Variants in MYO1B observed in about 807,000 individuals in gnomAD.
The protein encoded by MYO1B is myosin IB, also known as unconventional myosin-Ib.
A neutral mutation model predicts 159.7 loss-of-function variants in MYO1B; 72 were observed. That is an observed-to-expected ratio of 0.45 (90% confidence interval 0.37 to 0.55). MYO1B has a LOEUF of 0.55. Ranked by LOEUF, MYO1B falls within the 20% of genes least tolerant of loss-of-function variation. The pLI is 0.00. For missense variants in MYO1B, 1,062 were observed against 1,364.8 expected (o/e 0.78, Z 3.50); for synonymous variants, 468 against 473.8 (o/e 0.99, Z 0.16).
intron 11 of MYO1B, among the ~76,000 whole-genome samples, chr2:191,365,803 T>C (rs1370918450): frequency 2.0e-5 from 3 of 152,218 alleles, no homozygotes; most frequent in Admixed American, 6.5e-5. Flanking sequence ...TTAATCAAGC[T>C]TGGCTATAGC....
At chr2:191,345,852 A>C (rs1338821709) in intron 5 of MYO1B, among the ~76,000 whole-genome samples, 1 of 152,250 alleles carries the variant, frequency 6.6e-6, no homozygotes, top group African/African-American at 2.4e-5. Flanking sequence ...GCCTTTGATA[A>C]TAAGTAATCT....
At chr2:191,329,492 TG>T (rs1223087441) in intron 3 of MYO1B, among the ~76,000 whole-genome samples, 1 of 151,850 alleles carries the variant, frequency 6.6e-6, no homozygotes, top group Non-Finnish European at 1.5e-5. Context: ...ATTTTAGACA[TG>T]TGGTGTAACA....
chr2:191,422,157 G>C (rs930493755), intron 30 of MYO1B, among the ~76,000 whole-genome samples: 2 of 152,210 alleles, frequency 1.3e-5, no homozygotes, highest in Non-Finnish European at 1.5e-5. Context: ...GTCAGTGGTT[G>C]TTAGGTTGAC....
rs1697551193 is a variant in MYO1B, at chr2:191,416,186, C to G, written c.3231C>G (p.Leu1077=). 3.1e-6 allele frequency: 5 copies of G among 1,614,136 alleles called. No homozygotes were observed. Among genetic ancestry groups the G allele is most frequent in the Non-Finnish European group, 4.2e-6 (5 of 1,180,016 alleles). Residue 1077 remains leucine (L), a synonymous_variant, in exon 30 of 31, where the codon CTC becomes CTG. Transcript: ENST00000392318. The part of the protein sequence containing the change: ...SDHLIEMATK[L]YRTTLSQTKQ... ...ACCTGATTGAAATGGCCACCAAGCT[C>G]TATCGCACAACTCTCAGCCAAACCA...
In MYO1B at chr2:191,402,686, G is replaced by A. The variant is rs375756762; in HGVS notation, c.2524G>A (p.Ala842Thr). Reference sequence around the variant, plus strand: ...GGAGGCTAGGCGTAAGCATGCAGTTGCTGTCATTTGGGCTTACTGGCTTGG... The same window carrying A: ...GGAGGCTAGGCGTAAGCATGCAGTTACTGTCATTTGGGCTTACTGGCTTGG... ...KEEARRKHAV[A>T]VIWAYWLGLK... The change falls in exon 24 of 31, where the codon GCT (alanine) becomes ACT (threonine). Residue 842 changes from alanine to threonine, a missense_variant. Ala to Thr is a moderately conservative substitution (Grantham distance 58). This residue lies in a region of MYO1B where 609 missense variants were observed against 744.4 expected (regional missense o/e 0.82). Coordinates refer to ENST00000392318, the MANE Select transcript of MYO1B (RefSeq NM_001130158.3). The A allele has an allele frequency of 5.1e-5, 83 of 1,613,494 alleles. No homozygotes were observed. The highest frequency in any genetic ancestry group is 6.5e-5 in the Non-Finnish European group (77 of 1,179,740).
chr2:191,396,888 T>C (rs1456178791), intron 21 of MYO1B, among the ~76,000 whole-genome samples: 1 of 152,112 alleles, frequency 6.6e-6, no homozygotes, highest in Admixed American at 6.5e-5. Context: ...TCTTGCAGGC[T>C]ACCCATCACG....
chr2:191,379,797 T>G (rs1694935161), intron 13 of MYO1B, among the ~76,000 whole-genome samples: 1 of 152,172 alleles, frequency 6.6e-6, no homozygotes, highest in African/African-American at 2.4e-5. Context: ...GCAAAGCAAT[T>G]GAGACTTTCT....
At chr2:191,416,075 G>T in intron 29 of MYO1B, 40 bp from the exon 30 acceptor site, 1 of 1,595,454 alleles carries the variant, frequency 6.3e-7, no homozygotes, top group Non-Finnish European at 8.5e-7. Context: ...ACCTTCTAAG[G>T]TATCTTTAAT....
At chr2:191,287,712 T>C (rs1458412162) in intron 2 of MYO1B, among the ~76,000 whole-genome samples, 2 of 152,222 alleles carry the variant, frequency 1.3e-5, no homozygotes, top group Non-Finnish European at 2.9e-5. Context: ...GCTTAAATAC[T>C]ATACTTAGGT....
chr2:191,301,928 C>G (rs1456427671), intron 3 of MYO1B, among the ~76,000 whole-genome samples: 3 of 152,182 alleles, frequency 2.0e-5, no homozygotes, highest in Non-Finnish European at 2.9e-5. Flanking sequence ...TCATGGGCTC[C>G]CTATTACTCC....
At chr2:191,355,750 C>T (rs529182511) in intron 7 of MYO1B, among the ~76,000 whole-genome samples, 24 of 152,262 alleles carry the variant, frequency 1.6e-4, no homozygotes, top group Admixed American at 2.6e-4. Context: ...AGTATTTTTT[C>T]TCGTCCTGGG....
chr2:191,320,288 C>T (rs1407025256), intron 3 of MYO1B, among the ~76,000 whole-genome samples: 2 of 152,036 alleles, frequency 1.3e-5, no homozygotes, highest in Admixed American at 1.3e-4. Flanking sequence ...CTTTGTATGC[C>T]TCTGCCTGAC....
Position 191,341,449 on chromosome 2 carries a change from T to G in MYO1B, c.347-12T>G. On this transcript the variant is annotated splice_polypyrimidine_tract_variant and intron_variant, in intron 4 of 30. Transcript: ENST00000392318. ...TGTGTTATTGATTAATATGGCTTATTTTCATCCACAGAGGCCAGTAAGCTT... is the reference window on the plus strand; with the variant it reads ...TGTGTTATTGATTAATATGGCTTATGTTCATCCACAGAGGCCAGTAAGCTT... 1 of 1,609,904 alleles carries G rather than the reference T, an allele frequency of 6.2e-7. No individual in the cohort carries two copies. Among genetic ancestry groups the G allele is most frequent in the Non-Finnish European group, 8.5e-7 (1 of 1,178,120 alleles).
At chr2:191,372,577 G>A (rs1256922248) in intron 13 of MYO1B, among the ~76,000 whole-genome samples, 2 of 152,224 alleles carry the variant, frequency 1.3e-5, no homozygotes, top group Non-Finnish European at 2.9e-5. Flanking sequence ...GCCAGAGGAT[G>A]TATCCTATCA....
At chr2:191,247,873 A>G (rs888720304) in intron 1 of MYO1B, 6 of 957,104 alleles carry the variant, frequency 6.3e-6, no homozygotes, top group Non-Finnish European at 7.5e-6. Flanking sequence ...AAGGCTGGCA[A>G]CAGGCTGTAT....
chr2:191,299,854 T>C (rs1165535535), intron 3 of MYO1B, among the ~76,000 whole-genome samples: 1 of 152,254 alleles, frequency 6.6e-6, no homozygotes, highest in Non-Finnish European at 1.5e-5. Context: ...GTAGTTGATA[T>C]TTAGATAATG....
intron 24 of MYO1B, among the ~76,000 whole-genome samples, chr2:191,407,195 CT>C (rs1559242420): frequency 6.6e-6 from 1 of 152,156 alleles, no homozygotes; most frequent in African/African-American, 2.4e-5. Context: ...GAACATTTAT[CT>C]GTAAACTGAA....
intron 8 of MYO1B, among the ~76,000 whole-genome samples, chr2:191,361,109 C>G (rs747526406): frequency 6.6e-6 from 1 of 152,066 alleles, no homozygotes; most frequent in Non-Finnish European, 1.5e-5. Context: ...CATACGTCTC[C>G]GATGTGTTGA....
intron 2 of MYO1B, among the ~76,000 whole-genome samples, chr2:191,292,576 A>C (rs899365752): frequency 6.6e-6 from 1 of 152,194 alleles, no homozygotes; most frequent in African/African-American, 2.4e-5. Context: ...GGCTTCAGAG[A>C]CAATAGATTG....
Sources: gnomAD v4.1 joint callset for allele counts (sites outside exome capture counted in the v4.1 genomes callset) on GRCh38, gnomAD v4.1.1 for gene constraint, gnomAD v4.1.1 regional missense constraint, MANE v1.5 for transcripts, NCBI Gene and HGNC (gene_info 2026-07-23, HGNC 2026-07-21) for gene names.